GALNTL6: variants seen among roughly 807,000 people sequenced by gnomAD.
GALNTL6 encodes polypeptide N-acetylgalactosaminyltransferase like 6, also known as polypeptide N-acetylgalactosaminyltransferase-like 6.
Under a neutral mutation model 73.7 loss-of-function variants are expected in GALNTL6, and 46 were observed. The ratio of observed to expected loss-of-function variants is 0.62; its 90% CI spans 0.49 to 0.80. The LOEUF is 0.80. Among genes scored for constraint, GALNTL6 ranks in the 30% least tolerant of loss-of-function variants. The probability of loss-of-function intolerance (pLI) is 0.00; values close to 1 mark genes in which losing one functional copy is unlikely to be tolerated. For missense variants in GALNTL6, 604 were observed against 755.0 expected (o/e 0.80, Z 2.34); for synonymous variants, 259 against 263.7 (o/e 0.98, Z 0.17).
chr4:172,382,263 C>T (rs1261915296), intron 5 of GALNTL6, among the ~76,000 whole-genome samples: 1 of 152,038 alleles, frequency 6.6e-6, no homozygotes, highest in African/African-American at 2.4e-5. Context: ...GCCACCACGC[C>T]CAGCCAATAT....
chr4:172,139,822 T>C (rs1733756221), intron 2 of GALNTL6, among the ~76,000 whole-genome samples: 1 of 152,154 alleles, frequency 6.6e-6, no homozygotes, highest in South Asian at 2.1e-4. Context: ...TTTAAAAACA[T>C]TTCCAAGACC....
At chr4:172,117,049 T>A (rs1196816620) in intron 2 of GALNTL6, among the ~76,000 whole-genome samples, 1 of 152,202 alleles carries the variant, frequency 6.6e-6, no homozygotes, top group East Asian at 1.9e-4. Flanking sequence ...AAATTATTTC[T>A]ATTAGTGCAC....
At chr4:172,084,201 T>C (rs1437927510) in intron 2 of GALNTL6, among the ~76,000 whole-genome samples, 1 of 152,164 alleles carries the variant, frequency 6.6e-6, no homozygotes, top group Non-Finnish European at 1.5e-5. Flanking sequence ...TGAAATTGAC[T>C]TCTAATAAAG....
chr4:172,132,868 C>T (rs999168122), intron 2 of GALNTL6, among the ~76,000 whole-genome samples: 1 of 152,082 alleles, frequency 6.6e-6, no homozygotes, highest in Admixed American at 6.6e-5. Context: ...TTCCCCTAAT[C>T]AAATTTCAAA....
At chr4:172,944,669 C>T (rs1749071020) in intron 9 of GALNTL6, among the ~76,000 whole-genome samples, 1 of 152,178 alleles carries the variant, frequency 6.6e-6, no homozygotes, top group Non-Finnish European at 1.5e-5. Flanking sequence ...GTTCATACAG[C>T]TTTATTTGTA....
At chr4:172,660,632 G>A (rs1731319717) in intron 5 of GALNTL6, among the ~76,000 whole-genome samples, 1 of 152,150 alleles carries the variant, frequency 6.6e-6, no homozygotes, top group African/African-American at 2.4e-5. Flanking sequence ...AAGCATCTCT[G>A]TCTTTCAAAG....
chr4:172,673,327 G>A (rs1206656845), intron 5 of GALNTL6, among the ~76,000 whole-genome samples: 3 of 152,140 alleles, frequency 2.0e-5, no homozygotes, highest in Non-Finnish European at 4.4e-5. Context: ...TTGTGCTGTG[G>A]TCCAAGAGAT....
At chr4:171,881,180 C>T (rs529213412) in intron 2 of GALNTL6, among the ~76,000 whole-genome samples, 47 of 152,288 alleles carry the variant, frequency 3.1e-4, no homozygotes, top group African/African-American at 3.1e-4. Context: ...CATCAGAAGA[C>T]GGAATCCAAT....
chr4:172,397,870 C>T (rs1426356251), intron 5 of GALNTL6, among the ~76,000 whole-genome samples: 1 of 152,118 alleles, frequency 6.6e-6, no homozygotes, highest in Non-Finnish European at 1.5e-5. Flanking sequence ...AGCAACTGTG[C>T]CTGGCCACTA....
At chr4:172,428,784 C>G (rs558703799) in intron 5 of GALNTL6, among the ~76,000 whole-genome samples, 9 of 152,098 alleles carry the variant, frequency 5.9e-5, no homozygotes, top group Non-Finnish European at 1.0e-4. Flanking sequence ...AAGTATTCTG[C>G]CATCAATGAA....
At chr4:172,417,442 G>C (rs543011863) in intron 5 of GALNTL6, among the ~76,000 whole-genome samples, 2 of 151,948 alleles carry the variant, frequency 1.3e-5, no homozygotes, top group African/African-American at 4.8e-5. Flanking sequence ...CTTCCTCTGG[G>C]AGTTCGGGAC....
chr4:172,987,478 A>G (rs572421409), intron 10 of GALNTL6, among the ~76,000 whole-genome samples: 3 of 152,234 alleles, frequency 2.0e-5, no homozygotes, highest in African/African-American at 4.8e-5. Flanking sequence ...CTACAATTCA[A>G]GATGAAGTTT....
intron 5 of GALNTL6, among the ~76,000 whole-genome samples, chr4:172,387,835 A>C (rs573909091): frequency 3.6e-4 from 55 of 152,234 alleles, no homozygotes; most frequent in African/African-American, 1.3e-3. Flanking sequence ...TGTTTTAACT[A>C]TCCTGCCTCT....
intron 5 of GALNTL6, among the ~76,000 whole-genome samples, chr4:172,398,547 T>G (rs917958610): frequency 6.6e-6 from 1 of 152,158 alleles, no homozygotes; most frequent in African/African-American, 2.4e-5. Context: ...GTTTATTGCT[T>G]GAGTTATGTG....
chr4:172,579,788 A>AGGAAGGAAGGAG (rs35672538), intron 5 of GALNTL6, among the ~76,000 whole-genome samples: 75 of 127,090 alleles, frequency 5.9e-4, no homozygotes, highest in Admixed American at 1.9e-3. Flanking sequence ...TAAATGAGGA[A>AGGAAGGAAGGAG]GGAAGGAAGG....
chr4:172,356,034 TG>T (rs1742143351), intron 5 of GALNTL6, among the ~76,000 whole-genome samples: 1 of 152,198 alleles, frequency 6.6e-6, no homozygotes, highest in Non-Finnish European at 1.5e-5. Context: ...ACTTTCCAAC[TG>T]CTTTTTGTGT....
At position 171,832,825 on chromosome 4, in the gene GALNTL6, T is replaced by C. The variant is rs574909380; in HGVS notation, c.138+18107T>C. ...AGGTAAGTAGGTCTACACTAGCTGG[T>C]GGTAAGCATTACACGCTGCCAACTG... On this transcript the variant is annotated intron_variant, in intron 2 of 12. Coordinates refer to ENST00000506823, the MANE Select transcript of GALNTL6 (RefSeq NM_001034845.3). Among the ~76,000 whole-genome samples, 22 of 151,784 alleles carry C rather than the reference T, an allele frequency of 1.4e-4. 1 individual carries two copies. In the South Asian group the frequency reaches 3.7e-3, roughly 26 times the overall value.
chr4:172,854,314 C>T (rs76540447), intron 7 of GALNTL6, among the ~76,000 whole-genome samples: 134 of 152,264 alleles, frequency 8.8e-4, no homozygotes, highest in African/African-American at 3.0e-3. Flanking sequence ...TAATTTTAAG[C>T]TCTTTCAGCA....
chr4:172,315,339 C>T (rs1450361610), intron 4 of GALNTL6, among the ~76,000 whole-genome samples: 1 of 152,204 alleles, frequency 6.6e-6, no homozygotes, highest in African/African-American at 2.4e-5. Context: ...TCTCAGCTCA[C>T]TGCAACCTCT....
Sources: allele counts gnomAD v4.1 joint callset (sites outside exome capture counted in the v4.1 genomes callset), GRCh38; gene constraint gnomAD v4.1.1; transcripts MANE v1.5; gene names NCBI Gene and HGNC (gene_info 2026-07-23, HGNC 2026-07-21).